The following DNER variants were observed in gnomAD, a reference collection of about 807,000 sequenced individuals.
The protein encoded by DNER is delta and Notch-like epidermal growth factor-related receptor.
In DNER, 33 loss-of-function variants were observed where a neutral mutation model predicts 78.2. The ratio of observed to expected loss-of-function variants is 0.42; its 90% confidence interval spans 0.32 to 0.56. The LOEUF (loss-of-function observed/expected upper bound fraction) is 0.56, where lower values mean the gene tolerates loss of function less well. Ranked by LOEUF, DNER falls within the 20% of genes least tolerant of loss-of-function variation. The pLI is 0.11. For synonymous variants in DNER, 417 were observed against 384.8 expected (o/e 1.08, Z -0.98); for missense variants, 918 against 975.3 (o/e 0.94, Z 0.78).
chr2:229,625,102 C>T (rs1340226465), intron 1 of DNER, among the ~76,000 whole-genome samples: 2 of 151,944 alleles, frequency 1.3e-5, no homozygotes, highest in Non-Finnish European at 2.9e-5. Context: ...GATGGTATTT[C>T]TTTAAAATAA....
intron 4 of DNER, among the ~76,000 whole-genome samples, chr2:229,548,010 G>A (rs560313129): frequency 2.3e-4 from 35 of 152,032 alleles, no homozygotes; most frequent in Non-Finnish European, 3.7e-4. Flanking sequence ...ACAAAATATC[G>A]AAATTAATGA....
At chr2:229,609,343 T>C (rs1283823910) in intron 1 of DNER, among the ~76,000 whole-genome samples, 2 of 152,220 alleles carry the variant, frequency 1.3e-5, no homozygotes, top group Non-Finnish European at 1.5e-5. Flanking sequence ...CTGCAACCTG[T>C]GTCTGTACAG....
chr2:229,701,419 T>C (rs1010178269), intron 1 of DNER, among the ~76,000 whole-genome samples: 6 of 152,272 alleles, frequency 3.9e-5, no homozygotes, highest in Admixed American at 1.3e-4. Context: ...TTCAGATAAA[T>C]GATGTACAAT....
intron 8 of DNER, among the ~76,000 whole-genome samples, chr2:229,435,974 G>A (rs1200932217): frequency 1.3e-5 from 2 of 151,982 alleles, no homozygotes; most frequent in Admixed American, 6.6e-5. Flanking sequence ...TTTTATTTTA[G>A]GTTCAGGGAT....
chr2:229,445,763 A>G (rs564365015), intron 8 of DNER, among the ~76,000 whole-genome samples: 3,034 of 7,310 alleles, frequency 0.42, 46 homozygotes, highest in South Asian at 0.5. Context: ...TACTTAAAAT[A>G]AATCTCTCTC....
At chr2:229,602,657 A>ATG (rs1697852843) in intron 1 of DNER, among the ~76,000 whole-genome samples, 2 of 152,238 alleles carry the variant, frequency 1.3e-5, no homozygotes, top group Non-Finnish European at 2.9e-5. Context: ...TTGCATCTCC[A>ATG]TGTATCAGCA....
intron 7 of DNER, among the ~76,000 whole-genome samples, chr2:229,455,895 C>T (rs1490234535): frequency 2.0e-5 from 3 of 152,120 alleles, no homozygotes; most frequent in Non-Finnish European, 4.4e-5. Flanking sequence ...GATCAAGTAA[C>T]TTGCCCAAAG....
At chr2:229,626,182 G>A (rs896069418) in intron 1 of DNER, among the ~76,000 whole-genome samples, 14 of 152,298 alleles carry the variant, frequency 9.2e-5, no homozygotes, top group Admixed American at 4.6e-4. Flanking sequence ...GCCTCCCAAA[G>A]TGCTGGGATT....
intron 1 of DNER, among the ~76,000 whole-genome samples, chr2:229,613,089 A>G (rs1698080334): frequency 6.6e-6 from 1 of 152,218 alleles, no homozygotes; most frequent in Non-Finnish European, 1.5e-5. Context: ...CAGTATCTCT[A>G]TTGTGCCCAG....
At chr2:229,712,316 G>A (rs190422319) in intron 1 of DNER, among the ~76,000 whole-genome samples, 3 of 152,230 alleles carry the variant, frequency 2.0e-5, no homozygotes, top group East Asian at 3.9e-4. Flanking sequence ...TTTATGTTTC[G>A]CTGTTAGTCA....
At chr2:229,458,763 G>T (rs926961182) in intron 7 of DNER, among the ~76,000 whole-genome samples, 1 of 150,646 alleles carries the variant, frequency 6.6e-6, no homozygotes, top group Non-Finnish European at 1.5e-5. Context: ...TTTACTGGAG[G>T]TTCTATATAT....
chr2:229,480,548 G>A (rs1199173920), intron 6 of DNER, among the ~76,000 whole-genome samples: 2 of 152,106 alleles, frequency 1.3e-5, no homozygotes, highest in East Asian at 1.9e-4. Context: ...TATAAGTGAG[G>A]GTGAATCTTC....
At chr2:229,490,534 A>G (rs1260075447) in intron 6 of DNER, among the ~76,000 whole-genome samples, 2 of 152,098 alleles carry the variant, frequency 1.3e-5, no homozygotes, top group African/African-American at 2.4e-5. Flanking sequence ...AAATAAATCT[A>G]TGGAGACAGA....
At chr2:229,631,142 G>T (rs565284304) in intron 1 of DNER, among the ~76,000 whole-genome samples, 1 of 152,092 alleles carries the variant, frequency 6.6e-6, no homozygotes, top group Non-Finnish European at 1.5e-5. Context: ...TTTTCCTTTG[G>T]GTATACACCC....
At chr2:229,592,316 G>A (rs1574917634) in intron 1 of DNER, among the ~76,000 whole-genome samples, 1 of 152,152 alleles carries the variant, frequency 6.6e-6, no homozygotes, top group East Asian at 1.9e-4. Context: ...CTCCTCATGA[G>A]AAAAGACTGC....
intron 1 of DNER, among the ~76,000 whole-genome samples, chr2:229,666,108 T>TGAGTGA: frequency 6.6e-6 from 1 of 152,212 alleles, no homozygotes; most frequent in Non-Finnish European, 1.5e-5. Context: ...TATCCTGCAA[T>TGAGTGA]GGCCTAACTG....
At chr2:229,538,517 A>G (rs1332797081) in intron 5 of DNER, among the ~76,000 whole-genome samples, 2 of 150,860 alleles carry the variant, frequency 1.3e-5, no homozygotes, top group Non-Finnish European at 3.0e-5. Flanking sequence ...GGCATGCATC[A>G]CCCTGCCCGG....
At chr2:229,411,992 T>C (rs1254244093) in intron 9 of DNER, among the ~76,000 whole-genome samples, 2 of 152,234 alleles carry the variant, frequency 1.3e-5, no homozygotes, top group East Asian at 3.8e-4. Flanking sequence ...ATTATTGTTA[T>C]ATTATTTTCA....
chr2:229,573,342 T>C (rs2396692), intron 4 of DNER, among the ~76,000 whole-genome samples: 128,596 of 151,668 alleles, frequency 0.85, 55,209 homozygotes, highest in Non-Finnish European at 0.92. Context: ...CAAGACAGCA[T>C]TTTCAAAATG....
Sources: allele counts gnomAD v4.1 joint callset (sites outside exome capture counted in the v4.1 genomes callset), GRCh38; gene constraint gnomAD v4.1.1; transcripts MANE v1.5; gene names NCBI Gene and HGNC (gene_info 2026-07-23, HGNC 2026-07-21).